Variants in COL3A1 observed in about 807,000 individuals in gnomAD.
COL3A1 encodes the protein collagen alpha-1(III) chain.
Under a neutral mutation model 200.9 loss-of-function variants are expected in COL3A1, and 46 were observed. The ratio of observed to expected loss-of-function variants is 0.23; its 90% CI spans 0.18 to 0.29. The LOEUF (loss-of-function observed/expected upper bound fraction) is 0.29. Ranked by LOEUF, COL3A1 falls within the 10% of genes least tolerant of loss-of-function variation. The pLI, the probability that COL3A1 is intolerant of heterozygous loss-of-function variation, is 1.00. For synonymous variants in COL3A1, 650 were observed against 628.0 expected, an observed-to-expected ratio of 1.03 and a Z score of -0.52; for missense variants, 1,367 against 1,917.6, an observed-to-expected ratio of 0.71 and a Z score of 5.36.
In COL3A1 at chr2:189,004,291, C is replaced by G; in HGVS notation, c.2858C>G (p.Thr953Ser). ...APGPLGIAGITGARGLAGPPG... is the reference protein window; with the variant it reads ...APGPLGIAGISGARGLAGPPG... Reference sequence around the variant, plus strand: ...GGCCCACTTGGGATTGCTGGGATCACTGGAGCACGGGGTCTTGCAGGACCA... The same window carrying G: ...GGCCCACTTGGGATTGCTGGGATCAGTGGAGCACGGGGTCTTGCAGGACCA... The change falls in exon 40 of 51, where the codon ACT (threonine) becomes AGT (serine). Residue 953 changes from threonine (T) to serine (S), a missense_variant. Coordinates refer to ENST00000304636, the MANE Select transcript of COL3A1 (RefSeq NM_000090.4). The G allele has an allele frequency of 6.2e-7, 1 of 1,607,784 alleles. No individual in the cohort carries two copies. The highest frequency in any genetic ancestry group is 1.1e-5 in the South Asian group (1 of 89,122).
At chr2:189,002,874 A>G (rs1367890455) in intron 35 of COL3A1, 81 bp from the exon 36 acceptor site, 8 of 1,081,548 alleles carry the variant, frequency 7.4e-6, no homozygotes, top group Middle Eastern at 2.0e-4. Context: ...GAAGAATTCT[A>G]TATTCTGAAG....
At chr2:188,987,023 T>C in intron 4 of COL3A1, 36 bp from the exon 5 acceptor site, 1 of 1,555,012 alleles carries the variant, frequency 6.4e-7, no homozygotes, top group Middle Eastern at 1.7e-4. Context: ...GAACTGTCTG[T>C]TAAAATGATC....
chr2:188,994,519 C>G lies in COL3A1; in HGVS notation c.1294-22C>G. 1.2e-6 allele frequency: 2 copies of G among 1,613,948 alleles called. No individual in the cohort carries two copies. The highest frequency in any genetic ancestry group is 4.5e-5 in the East Asian group (2 of 44,878). Reference sequence around the variant, plus strand: ...TAGTCGAATCCTCCCTGTGTTTCAACCAAGACTTTGTTATACTTTAGGGTG... The same window carrying G: ...TAGTCGAATCCTCCCTGTGTTTCAAGCAAGACTTTGTTATACTTTAGGGTG... On this transcript the variant is annotated intron_variant, in intron 18 of 50. Transcript: ENST00000304636. This position sits in a 1 kb window ranked among gnomAD's most constrained non-coding sequence, Gnocchi z 4.5.
At chr2:189,010,097 A>G (rs1688687113) in intron 48 of COL3A1, 81 bp from the exon 49 acceptor site, 2 of 1,326,074 alleles carry the variant, frequency 1.5e-6, no homozygotes, top group African/African-American at 2.9e-5. Context: ...AACATTATGA[A>G]TGCCTTTACA....
intron 38 of COL3A1, 27 bp downstream of exon 38, chr2:189,003,814 A>G (rs753007755): frequency 6.2e-6 from 10 of 1,611,838 alleles, no homozygotes; most frequent in Non-Finnish European, 8.5e-6. Context: ...GTCTTTTCTC[A>G]TCATACACTT....
chr2:188,982,601 A>G (rs1384555652), intron 1 of COL3A1, among the ~76,000 whole-genome samples: 1 of 151,842 alleles, frequency 6.6e-6, no homozygotes, highest in Non-Finnish European at 1.5e-5. Context: ...CACGTGCTGT[A>G]TTAAGTGTGA....
At position 188,994,774 on chromosome 2, in the gene COL3A1, G is replaced by A. The variant is rs781761966; in HGVS notation, c.1398G>A (p.Lys466=). The A allele has an allele frequency of 2.5e-6, 4 of 1,613,854 alleles. No individual in the cohort carries two copies. The highest frequency in any genetic ancestry group is 3.4e-6 in the Non-Finnish European group (4 of 1,179,990). ...CAGGAGCTAAAGGCGAAGATGGCAA[G>A]GATGGATCACCTGGAGAACCTGGTG... ...GVPGAKGEDG[K]DGSPGEPGAN... The change falls in exon 20 of 51, where the codon AAG becomes AAA. Residue 466 remains lysine (K), a synonymous_variant. Transcript: ENST00000304636. The surrounding 1 kb of genome is among the most constrained non-coding windows in gnomAD (Gnocchi z 4.5).
chr2:188,995,831 C>T (rs1559056921), intron 22 of COL3A1, 41 bp downstream of exon 22: 3 of 1,459,978 alleles, frequency 2.1e-6, no homozygotes, highest in East Asian at 2.5e-5. Flanking sequence ...TTAATTTAGA[C>T]AGAAGAAAGG....
In COL3A1 at chr2:189,004,199, C is replaced by T. The variant is rs996580465; in HGVS notation, c.2823+56C>T. ...TACTATTTTGATTTTTATCACAAAT[C>T]GATTAGAGAAAAACACTGTCACATA... On this transcript the variant is annotated intron_variant, in intron 39 of 50. Coordinates refer to ENST00000304636, the MANE Select transcript of COL3A1 (RefSeq NM_000090.4). 12 of 1,607,724 alleles carry T rather than the reference C, an allele frequency of 7.5e-6. No individual in the cohort carries two copies. The Admixed American group carries it at 1.2e-4, about 16-fold the overall frequency.
Position 188,980,518 on chromosome 2 carries a change from G to T in COL3A1, c.80-4242G>T, listed in dbSNP as rs573241719. ...TCAACTTAAAGGACATTTCTAAGGA[G>T]ATTGAAAAAGCATATATCTATAAAA... On this transcript the variant is annotated intron_variant, in intron 1 of 50. Transcript: ENST00000304636. Among the ~76,000 whole-genome samples, 4 of 150,528 alleles carry T rather than the reference G, an allele frequency of 2.7e-5. No individual in the cohort carries two copies. The East Asian group carries it at 7.8e-4, about 30-fold the overall frequency.
Position 188,997,353 on chromosome 2 carries a change from T to C in COL3A1, c.1833T>C (p.Asn611=), listed in dbSNP as rs1688351331. The change falls in exon 26 of 51, where the codon AAT becomes AAC. Residue 611 remains asparagine (N), a synonymous_variant. Coordinates refer to ENST00000304636, the MANE Select transcript of COL3A1 (RefSeq NM_000090.4). ...GTTTTTAGGGTCCTCCTGGAAAGAA[T>C]GGTGAAACTGGACCTCAGGGACCCC... ...GPGPQGPPGK[N]GETGPQGPPG... 6.2e-7 allele frequency: 1 copy of C among 1,613,954 alleles called. No homozygotes were observed. The highest frequency in any genetic ancestry group is 8.5e-7 in the Non-Finnish European group (1 of 1,179,878).
chr2:188,988,442 G>A, intron 6 of COL3A1, 148 bp from the exon 7 acceptor site: 1 of 672,926 alleles, frequency 1.5e-6, no homozygotes, highest in South Asian at 1.9e-5. Context: ...ACTTCATTCT[G>A]ATCTAAAAAT....
chr2:188,993,531 C>A, intron 16 of COL3A1, 72 bp downstream of exon 16: 3 of 1,275,998 alleles, frequency 2.4e-6, no homozygotes, highest in Non-Finnish European at 3.3e-6. Context: ...TTCATGCTTA[C>A]TCCATGAAAG....
At chr2:189,002,219 A>G in intron 34 of COL3A1, 79 bp from the exon 35 acceptor site, 2 of 1,152,222 alleles carry the variant, frequency 1.7e-6, no homozygotes, top group Non-Finnish European at 2.6e-6. Context: ...AGAAAAGATA[A>G]GATGATAAGA....
chr2:189,003,616 C>A lies in COL3A1; in HGVS notation c.2608-118C>A, dbSNP rs561222223. On this transcript the variant is annotated intron_variant, in intron 37 of 50. Coordinates refer to ENST00000304636, the MANE Select transcript of COL3A1 (RefSeq NM_000090.4). ...GTTATATGTAAATTCCAAGGGGAAACACAAACCATAAATGACTTTCAGGTA... is the reference window on the plus strand; with the variant it reads ...GTTATATGTAAATTCCAAGGGGAAAAACAAACCATAAATGACTTTCAGGTA... The A allele has an allele frequency of 2.9e-6, 4 of 1,367,018 alleles. No individual in the cohort carries two copies. The South Asian group carries it at 4.7e-5, about 16-fold the overall frequency. The allele number at this position is 1,367,018 out of a possible 1,614,324, so 84.7% of individuals were successfully genotyped here.
chr2:188,990,024 C>G, intron 8 of COL3A1, 72 bp from the exon 9 acceptor site: 2 of 1,375,734 alleles, frequency 1.5e-6, no homozygotes, highest in South Asian at 1.2e-5. Context: ...TGCAAAGTAA[C>G]CATTTTGCTT....
At chr2:188,997,603 C>A in intron 26 of COL3A1, 97 bp from the exon 27 acceptor site, 1 of 1,314,150 alleles carries the variant, frequency 7.6e-7, no homozygotes, top group Non-Finnish European at 1.1e-6. Flanking sequence ...CTTCACATCA[C>A]TACTTTTATA....
intron 32 of COL3A1, among the ~76,000 whole-genome samples, chr2:189,000,728 A>G (rs745832890): frequency 3.9e-5 from 6 of 152,124 alleles, no homozygotes; most frequent in Non-Finnish European, 7.4e-5. Context: ...ACATTAGGGG[A>G]CGCTGGGAGA....
chr2:188,987,151 T>C lies in COL3A1; in HGVS notation c.528+12T>C, dbSNP rs1057523141. On this transcript the variant is annotated intron_variant, in intron 5 of 50. Coordinates refer to ENST00000304636, the MANE Select transcript of COL3A1 (RefSeq NM_000090.4). Reference sequence around the variant, plus strand: ...ATCCTGGACCAGCTGTACGTACAAATGTTTCTCAGCATTTTGGAGCTTTAT... The same window carrying C: ...ATCCTGGACCAGCTGTACGTACAAACGTTTCTCAGCATTTTGGAGCTTTAT... The C allele has an allele frequency of 1.9e-6, 3 of 1,605,136 alleles. No homozygotes were observed. The highest frequency in any genetic ancestry group is 2.6e-6 in the Non-Finnish European group (3 of 1,172,220).
Sources: allele counts gnomAD v4.1 joint callset (sites outside exome capture counted in the v4.1 genomes callset), GRCh38; gene constraint gnomAD v4.1.1; non-coding constraint Gnocchi (gnomAD v3.1); transcripts MANE v1.5; gene names NCBI Gene and HGNC (gene_info 2026-07-23, HGNC 2026-07-21).